Variants in RAD51B observed in about 807,000 individuals in gnomAD.
RAD51B encodes RAD51 paralog B.
In RAD51B, 38 loss-of-function variants were observed where a neutral mutation model predicts 42.2. The observed-to-expected ratio is 0.90, with a 90% confidence interval of 0.70 to 1.18. RAD51B has a LOEUF of 1.18. Among genes scored for constraint, RAD51B ranks in the 50% most tolerant of loss-of-function variants. RAD51B has a pLI of 0.00. For missense variants in RAD51B, 373 were observed against 400.7 expected, an observed-to-expected ratio of 0.93 and a Z score of 0.59; for synonymous variants, 154 against 145.2, an observed-to-expected ratio of 1.06 and a Z score of -0.43.
At chr14:68,202,911 T>C (rs149033522) in intron 7 of RAD51B, among the ~76,000 whole-genome samples, 1 of 152,196 alleles carries the variant, frequency 6.6e-6, no homozygotes, top group East Asian at 1.9e-4. Flanking sequence ...GATTTTATCA[T>C]GAGATTGCAG....
intron 10 of RAD51B, among the ~76,000 whole-genome samples, chr14:68,646,132 A>G (rs1892560694): frequency 6.6e-6 from 1 of 152,120 alleles, no homozygotes; most frequent in South Asian, 2.1e-4. Flanking sequence ...GAAATTAATG[A>G]GTTAAAGTTG....
chr14:68,680,848 A>T (rs1348601787), intron 11 of RAD51B, among the ~76,000 whole-genome samples: 1 of 152,014 alleles, frequency 6.6e-6, no homozygotes, highest in East Asian at 1.9e-4. Context: ...GGCGTTCATA[A>T]TGTAATATAC....
Position 67,823,533 on chromosome 14 carries a change from G to T in RAD51B, c.-2-9G>T. The T allele has an allele frequency of 6.2e-7, 1 of 1,611,662 alleles. No individual in the cohort carries two copies. The highest frequency in any genetic ancestry group is 8.5e-7 in the Non-Finnish European group (1 of 1,178,632). On this transcript the variant is annotated splice_polypyrimidine_tract_variant and intron_variant, in intron 1 of 10. Coordinates refer to ENST00000471583, the MANE Select transcript of RAD51B (RefSeq NM_133510.4). Reference sequence around the variant, plus strand: ...TTCATGGTTCTTCTTTTCTTTGCTGGATCTGGAGGCATGGGTAGCAAGAAA... The same window carrying T: ...TTCATGGTTCTTCTTTTCTTTGCTGTATCTGGAGGCATGGGTAGCAAGAAA...
intron 7 of RAD51B, among the ~76,000 whole-genome samples, chr14:68,107,530 A>G (rs1343184634): frequency 6.6e-6 from 1 of 151,866 alleles, no homozygotes; most frequent in East Asian, 1.9e-4. Context: ...CTTTTAAAGA[A>G]GAAGAAAGTT....
chr14:68,365,355 G>A (rs1466112826), intron 8 of RAD51B, among the ~76,000 whole-genome samples: 1 of 152,232 alleles, frequency 6.6e-6, no homozygotes, highest in East Asian at 1.9e-4. Flanking sequence ...TGTCCTGTTT[G>A]TCTTACTGCT....
intron 9 of RAD51B, among the ~76,000 whole-genome samples, chr14:68,445,984 T>C (rs1162097970): frequency 1.3e-5 from 2 of 152,210 alleles, no homozygotes; most frequent in African/African-American, 4.8e-5. Flanking sequence ...AAAGTGAGGC[T>C]ACATGTCATG....
downstream of RAD51B, among the ~76,000 whole-genome samples, chr14:68,482,176 G>GGT (rs66768673): frequency 0.081 from 12,168 of 149,878 alleles, 535 homozygotes; most frequent in Non-Finnish European, 0.096. Flanking sequence ...ATATTTTAGG[G>GGT]GTGTGTGTGT....
At chr14:68,509,689 T>C (rs897651176) in intron 10 of RAD51B, among the ~76,000 whole-genome samples, 1 of 152,210 alleles carries the variant, frequency 6.6e-6, no homozygotes, top group Non-Finnish European at 1.5e-5. Flanking sequence ...GTTCTCTAGC[T>C]CAGGAGTCAG....
chr14:68,584,679 A>G (rs928577851), intron 10 of RAD51B, among the ~76,000 whole-genome samples: 1 of 152,276 alleles, frequency 6.6e-6, no homozygotes, highest in Admixed American at 6.5e-5. Flanking sequence ...TCACCTCCAT[A>G]AAAGGTTCCC....
intron 9 of RAD51B, among the ~76,000 whole-genome samples, chr14:68,436,649 T>C (rs146106156): frequency 6.6e-6 from 1 of 152,326 alleles, no homozygotes; most frequent in Non-Finnish European, 1.5e-5. Flanking sequence ...TTCTAATCCA[T>C]GAACATGGAA....
chr14:68,609,247 C>T (rs1055582193), intron 10 of RAD51B, among the ~76,000 whole-genome samples: 1 of 152,212 alleles, frequency 6.6e-6, no homozygotes, highest in African/African-American at 2.4e-5. Context: ...CTGCCAGGCC[C>T]CAGAGGAGGT....
At chr14:68,001,556 A>C (rs987885736) in intron 7 of RAD51B, among the ~76,000 whole-genome samples, 2 of 152,182 alleles carry the variant, frequency 1.3e-5, no homozygotes, top group African/African-American at 4.8e-5. Context: ...TCAACTTTTA[A>C]GCTCAGGGGT....
At chr14:68,417,954 A>G (rs1322253160) in intron 9 of RAD51B, among the ~76,000 whole-genome samples, 1 of 152,220 alleles carries the variant, frequency 6.6e-6, no homozygotes, top group Admixed American at 6.5e-5. Flanking sequence ...CCCCTTTCCC[A>G]TGCTTTGACC....
chr14:67,820,171 T>C (rs901977584), intron 1 of RAD51B, among the ~76,000 whole-genome samples: 5 of 152,146 alleles, frequency 3.3e-5, no homozygotes, highest in Admixed American at 2.0e-4. Flanking sequence ...TCGGGCAGCC[T>C]GTCATTAGGG....
intron 10 of RAD51B, chr14:68,545,675 G>T (rs1251344152): frequency 4.4e-6 from 2 of 453,846 alleles, no homozygotes; most frequent in Non-Finnish European, 8.8e-6. Context: ...TCATTCGCTT[G>T]TCCACACATT....
intron 10 of RAD51B, among the ~76,000 whole-genome samples, chr14:68,564,415 T>G (rs914080552): frequency 6.6e-6 from 1 of 152,174 alleles, no homozygotes; most frequent in Non-Finnish European, 1.5e-5. Flanking sequence ...TGCTTTCTGT[T>G]AACGAGAGGC....
rs144698313 is a variant in RAD51B, at chr14:68,606,114, G to A, written c.1037-4892G>A. On this transcript the variant is annotated intron_variant, in intron 10 of 10. Transcript: ENST00000487861. ...ACTCTGGTGCACTTGGGCCGGGTGGGACTCTGGCATGAGTATTGTTTGAAA... is the reference window on the plus strand; with the variant it reads ...ACTCTGGTGCACTTGGGCCGGGTGGAACTCTGGCATGAGTATTGTTTGAAA... 1.8e-3 allele frequency among the ~76,000 whole-genome samples: 269 copies of A among 152,332 alleles called. 2 individuals are homozygous for A. The highest frequency in any genetic ancestry group is 6.2e-3 in the African/African-American group (257 of 41,572).
At chr14:68,016,339 C>CTCAG (rs1464312412) in intron 7 of RAD51B, among the ~76,000 whole-genome samples, 6 of 152,172 alleles carry the variant, frequency 3.9e-5, no homozygotes, top group Admixed American at 3.3e-4. Context: ...CCACCATGGC[C>CTCAG]TCAGTCAGGC....
chr14:67,957,802 G>C (rs2074581562), intron 7 of RAD51B, among the ~76,000 whole-genome samples: 1 of 152,160 alleles, frequency 6.6e-6, no homozygotes, highest in African/African-American at 2.4e-5. Context: ...TTGCTTTACT[G>C]TAATTTTCGT....
Sources: allele counts gnomAD v4.1 joint callset (sites outside exome capture counted in the v4.1 genomes callset), GRCh38; gene constraint gnomAD v4.1.1; transcripts MANE v1.5; gene names NCBI Gene and HGNC (gene_info 2026-07-23, HGNC 2026-07-21).